AIMP1: variants seen among roughly 807,000 people sequenced by gnomAD.
AIMP1 encodes the protein aminoacyl tRNA synthase complex-interacting multifunctional protein 1.
A neutral mutation model predicts 33.1 loss-of-function variants in AIMP1; 24 were observed. That is an observed-to-expected ratio of 0.73 (90% confidence interval 0.53 to 1.02). AIMP1 has a LOEUF of 1.02. Among genes scored for constraint, AIMP1 ranks in the 50% least tolerant of loss-of-function variants. The pLI, the probability that AIMP1 is intolerant of heterozygous loss-of-function variation, is 0.00. For missense variants in AIMP1, 367 were observed against 364.8 expected (o/e 1.01, Z -0.05); for synonymous variants, 120 against 121.5 (o/e 0.99, Z 0.08).
At chr4:106,316,328 T>C (rs1009636157), upstream of AIMP1, 27 of 560,348 alleles carry the variant, frequency 4.8e-5, no homozygotes, top group East Asian at 5.5e-4. Context: ...AAAGGACATA[T>C]AGCGAGAGAG....
chr4:106,326,783 A>G (rs1200930166), intron 2 of AIMP1, among the ~76,000 whole-genome samples: 1 of 151,836 alleles, frequency 6.6e-6, no homozygotes, highest in East Asian at 1.9e-4. Flanking sequence ...TTTATTTTTA[A>G]AAATTTTTTT....
intron 1 of AIMP1, among the ~76,000 whole-genome samples, chr4:106,323,919 A>G (rs1190395654): frequency 6.6e-6 from 1 of 152,102 alleles, no homozygotes; most frequent in Non-Finnish European, 1.5e-5. Flanking sequence ...AAACTAGAAA[A>G]CTAGTATCAG....
chr4:106,335,955 G>A (rs1427669968), intron 5 of AIMP1, among the ~76,000 whole-genome samples: 1 of 147,152 alleles, frequency 6.8e-6, no homozygotes, highest in Non-Finnish European at 1.5e-5. Context: ...ATTTCCGTTT[G>A]CTTCCATAAA....
upstream of AIMP1, chr4:106,316,366 C>T: frequency 1.6e-6 from 1 of 607,062 alleles, no homozygotes; most frequent in South Asian, 2.1e-5. Context: ...CGGGGGGGGT[C>T]GATTGAAAAT....
chr4:106,316,379 T>G, upstream of AIMP1: 1 of 638,136 alleles, frequency 1.6e-6, no homozygotes. Context: ...TTGAAAATAC[T>G]GGGTGAGGGA....
intron 6 of AIMP1, among the ~76,000 whole-genome samples, chr4:106,340,085 A>G (rs1016621800): frequency 6.6e-6 from 1 of 152,190 alleles, no homozygotes; most frequent in East Asian, 1.9e-4. Flanking sequence ...AAAGAAAAAC[A>G]GTTAGAAATT....
At chr4:106,329,527 T>C (rs531003772) in intron 4 of AIMP1, among the ~76,000 whole-genome samples, 9 of 152,318 alleles carry the variant, frequency 5.9e-5, no homozygotes, top group African/African-American at 2.2e-4. Flanking sequence ...TTATCCAACA[T>C]GGTAGTCAAT....
intron 6 of AIMP1, among the ~76,000 whole-genome samples, chr4:106,343,505 CAG>C (rs1241276533): frequency 6.6e-6 from 1 of 152,108 alleles, no homozygotes; most frequent in Non-Finnish European, 1.5e-5. Context: ...AAAAAGCACA[CAG>C]GGGATTTTCT....
chr4:106,321,786 T>G (rs541536752), intron 1 of AIMP1, among the ~76,000 whole-genome samples: 1 of 152,330 alleles, frequency 6.6e-6, no homozygotes, highest in Admixed American at 6.5e-5. Flanking sequence ...GAAAGAGAGA[T>G]CAGATTGTTA....
chr4:106,328,646 GAA>G (rs1184068257), intron 4 of AIMP1, among the ~76,000 whole-genome samples: 5 of 152,140 alleles, frequency 3.3e-5, no homozygotes, highest in Non-Finnish European at 7.4e-5. Context: ...CAGACTGTCT[GAA>G]CTAAGATTTC....
At chr4:106,342,392 G>A (rs1262585506) in intron 6 of AIMP1, among the ~76,000 whole-genome samples, 1 of 152,144 alleles carries the variant, frequency 6.6e-6, no homozygotes, top group Non-Finnish European at 1.5e-5. Context: ...TCCAGCTTTT[G>A]CCCATTAGGT....
In AIMP1 at chr4:106,327,524, A is replaced by T. The variant is rs1769498383; in HGVS notation, c.183A>T (p.Glu61Asp). ...CTAAACTGAAGAAAGAAATTGAAGA[A>T]CTGAAACAAGAGCTAATTCAGGCAG... is the stretch of plus-strand genomic sequence containing the variant. ...ENAKLKKEIE[E>D]LKQELIQAEI... The change falls in exon 3 of 7, where the codon GAA becomes GAT. Residue 61 changes from glutamate to aspartate, a missense_variant. Glu to Asp is a conservative substitution (Grantham distance 45). Transcript: ENST00000672341. 1 of 1,612,910 alleles carries T rather than the reference A, an allele frequency of 6.2e-7. No homozygotes were observed. Among genetic ancestry groups the T allele is most frequent in the Non-Finnish European group, 8.5e-7 (1 of 1,179,248 alleles).
chr4:106,325,097 T>C lies in AIMP1; in HGVS notation c.88T>C (p.Ser30Pro). ...CATTGAATATCTTAAGCAGCAAGTT[T>C]CTCTACTTAAGGAGAAAGCAAGTAA... is the stretch of plus-strand genomic sequence containing the variant. ...QIIEYLKQQV[S>P]LLKEKAILQA... Residue 30 changes from serine to proline, a missense_variant, in exon 2 of 7, where the codon TCT becomes CCT. Physicochemically the swap from Ser to Pro is moderately conservative, Grantham distance 74. Transcript: ENST00000672341. 2 of 1,612,664 alleles carry C rather than the reference T, an allele frequency of 1.2e-6. No homozygotes were observed. The highest frequency in any genetic ancestry group is 1.7e-6 in the Non-Finnish European group (2 of 1,179,156).
chr4:106,329,771 TC>T (rs1561026204), intron 4 of AIMP1, among the ~76,000 whole-genome samples: 1 of 119,744 alleles, frequency 8.4e-6, no homozygotes, highest in Admixed American at 9.8e-5. Flanking sequence ...CTGCTACATA[TC>T]TTTTTTTTTT....
chr4:106,347,943 A>G lies in AIMP1; in HGVS notation c.*251A>G. ...TGTAATAATTTATTTTTTAGCAGGA[A>G]TATTGATTAGCAGCTTTTTTTTCTT... On this transcript the variant is annotated 3_prime_UTR_variant, in exon 7 of 7. Transcript: ENST00000672341. The G allele has an allele frequency of 3.1e-6, 1 of 325,964 alleles. No individual in the cohort carries two copies. Among genetic ancestry groups the G allele is most frequent in the Non-Finnish European group, 5.7e-6 (1 of 176,348 alleles). 20.2% of individuals were successfully genotyped at this position (325,964 alleles called of 1,614,324 possible). A position where few individuals can be genotyped will look rare whatever the true frequency, so the allele number is the denominator to read the frequency against.
chr4:106,319,425 C>T (rs1769110055), intron 1 of AIMP1, among the ~76,000 whole-genome samples: 1 of 152,054 alleles, frequency 6.6e-6, no homozygotes, highest in South Asian at 2.1e-4. Context: ...TGGGATTCTG[C>T]ATTAGAGGCA....
chr4:106,330,579 A>G (rs1034427011), intron 4 of AIMP1, among the ~76,000 whole-genome samples: 1 of 152,196 alleles, frequency 6.6e-6, no homozygotes, highest in African/African-American at 2.4e-5. Flanking sequence ...ATGCAGAATT[A>G]TTCTTCACTG....
In AIMP1 at chr4:106,327,347, T is replaced by C. The variant is rs959756849; in HGVS notation, c.110-104T>C. The C allele has an allele frequency of 6.8e-5, 54 of 792,610 alleles. No individual in the cohort carries two copies. The Middle Eastern group carries it at 1.9e-3, about 27-fold the overall frequency. 49.1% of individuals were successfully genotyped at this position (792,610 alleles called of 1,614,324 possible). A position where few individuals can be genotyped will look rare whatever the true frequency, so the allele number is the denominator to read the frequency against. The stretch of plus-strand genomic sequence containing the variant: ...GCCAAACATTTGGTTACACTAGAGC[T>C]AGTATTATCCTAGCTGTAGTTATAC... On this transcript the variant is annotated intron_variant, in intron 2 of 6. Transcript: ENST00000672341.
intron 1 of AIMP1, among the ~76,000 whole-genome samples, chr4:106,317,470 T>C (rs1338788390): frequency 6.6e-6 from 1 of 152,170 alleles, no homozygotes; most frequent in Non-Finnish European, 1.5e-5. Flanking sequence ...AGAGGGTCAC[T>C]CTTTAAGGAA....
Sources: gnomAD v4.1 joint callset for allele counts (sites outside exome capture counted in the v4.1 genomes callset) on GRCh38, gnomAD v4.1.1 for gene constraint, MANE v1.5 for transcripts, NCBI Gene and HGNC (gene_info 2026-07-23, HGNC 2026-07-21) for gene names.